The following SCYL3 variants were observed in gnomAD, a reference collection of about 807,000 sequenced individuals.
The protein encoded by SCYL3 is SCY1 like pseudokinase 3.
In SCYL3, 35 loss-of-function variants were observed where a neutral mutation model predicts 73.8. The observed-to-expected ratio is 0.47, with a 90% CI of 0.36 to 0.63. The LOEUF (loss-of-function observed/expected upper bound fraction) is 0.63. Ranked by LOEUF, SCYL3 falls within the 20% of genes least tolerant of loss-of-function variation. The pLI, the probability that SCYL3 is intolerant of heterozygous loss-of-function variation, is 0.00. For missense variants in SCYL3, 712 were observed against 798.9 expected, an observed-to-expected ratio of 0.89 and a Z score of 1.31; for synonymous variants, 277 against 295.2, an observed-to-expected ratio of 0.94 and a Z score of 0.63.
chr1:169,881,808 C>T (rs953342503), intron 2 of SCYL3, among the ~76,000 whole-genome samples: 2 of 152,164 alleles, frequency 1.3e-5, no homozygotes, highest in Admixed American at 1.3e-4. Context: ...GGGATTATTT[C>T]GGGATGAGAC....
chr1:169,879,994 T>TTAAAAAA (rs1168138513), intron 2 of SCYL3, among the ~76,000 whole-genome samples: 25 of 152,116 alleles, frequency 1.6e-4, no homozygotes, highest in African/African-American at 5.3e-4. Context: ...GGGGCCAGGT[T>TTAAAAAA]TGGGGACTCA....
intron 2 of SCYL3, among the ~76,000 whole-genome samples, chr1:169,886,827 A>T (rs1414515607): frequency 1.3e-5 from 2 of 152,224 alleles, no homozygotes; most frequent in Non-Finnish European, 2.9e-5. Flanking sequence ...CCTGCATTTC[A>T]TCTTGGTGTA....
intron 11 of SCYL3, chr1:169,855,798 G>A: frequency 6.2e-7 from 1 of 1,611,458 alleles, no homozygotes; most frequent in Non-Finnish European, 8.5e-7. Flanking sequence ...ATTTCTACCT[G>A]TCTGTAAAAG....
intron 7 of SCYL3, 43 bp downstream of exon 7, chr1:169,868,885 G>A: frequency 7.1e-7 from 1 of 1,418,112 alleles, no homozygotes; most frequent in East Asian, 2.3e-5. Flanking sequence ...GCAGGCAGCA[G>A]TGTTCCGGAA....
rs1658418962 is a variant in SCYL3, at chr1:169,852,018, G to A, written c.*1695C>T. ...ACTTACTGACGAAACAAACCAGTGT[G>A]GTTTCCAGCCTTATGCTGAATTTCA... On this transcript the variant is annotated 3_prime_UTR_variant, in exon 13 of 13. Transcript: ENST00000367771. 6 of 1,588,252 alleles carry A rather than the reference G, an allele frequency of 3.8e-6. No homozygotes were observed. In the South Asian group the frequency reaches 5.6e-5, roughly 15 times the overall value.
Position 169,862,602 on chromosome 1 carries a change from T to A in SCYL3, c.1140+11A>T. On this transcript the variant is annotated intron_variant, in intron 10 of 12. Transcript: ENST00000367771. ...TTCTGTGACTACCCCACTGCAAACT[T>A]GGCCTCTGACCTGTGGCAAGATGAC... The A allele has an allele frequency of 6.2e-7, 1 of 1,613,736 alleles. No homozygotes were observed. Among genetic ancestry groups the A allele is most frequent in the Non-Finnish European group, 8.5e-7 (1 of 1,179,668 alleles).
At chr1:169,878,606 T>G (rs1481876146) in intron 3 of SCYL3, 28 bp downstream of exon 3, 1 of 1,559,582 alleles carries the variant, frequency 6.4e-7, no homozygotes, top group African/African-American at 1.4e-5. Flanking sequence ...CATCAAAGTC[T>G]GTGATGCAGA....
rs147807072 is a variant in SCYL3 at position 169,853,415 on chromosome 1, A to T, written c.*298T>A. The T allele has an allele frequency of 4.5e-3, 1,747 of 384,676 alleles. 9 individuals carry two copies. Among genetic ancestry groups the T allele is most frequent in the Non-Finnish European group, 6.5e-3 (1,400 of 216,572 alleles). 23.8% of individuals were successfully genotyped at this position (384,676 alleles called of 1,614,324 possible). On this transcript the variant is annotated 3_prime_UTR_variant, in exon 13 of 13. Transcript: ENST00000367771. The stretch of plus-strand genomic sequence containing the variant: ...TTCTTTACTTCCAGAATTGTCCTGG[A>T]AAAAGCAGTAAATTCGACCTCTCCT...
At chr1:169,867,765 T>A (rs979815278) in intron 7 of SCYL3, among the ~76,000 whole-genome samples, 1 of 152,174 alleles carries the variant, frequency 6.6e-6, no homozygotes, top group Admixed American at 6.5e-5. Context: ...TTAACTGGGG[T>A]TTCTCCCCAC....
intron 8 of SCYL3, 38 bp from the exon 9 acceptor site, chr1:169,864,546 G>T: frequency 6.4e-7 from 1 of 1,552,844 alleles, no homozygotes; most frequent in South Asian, 1.3e-5. Context: ...AACTGGTCAT[G>T]ACACTGTATC....
In SCYL3 at chr1:169,850,174, T is replaced by C; in HGVS notation, c.*3539A>G. 1.3e-6 allele frequency: 1 copy of C among 754,298 alleles called. No individual in the cohort carries two copies. The highest frequency in any genetic ancestry group is 1.7e-5 in the South Asian group (1 of 60,596). 46.7% of individuals were successfully genotyped at this position (754,298 alleles called of 1,614,324 possible). On this transcript the variant is annotated 3_prime_UTR_variant, in exon 13 of 13. Coordinates refer to ENST00000367771, the MANE Select transcript of SCYL3 (RefSeq NM_020423.7). ...TCTGGGACTCTTACTTAAAATGAAT[T>C]TTTGGTTAAGGTAGCTCATAAAACT...
chr1:169,871,992 G>GC lies in SCYL3; in HGVS notation c.523-1636dup, dbSNP rs371884564. On this transcript the variant is annotated intron_variant, in intron 5 of 12. Coordinates refer to ENST00000367771, the MANE Select transcript of SCYL3 (RefSeq NM_020423.7). ...CTTGGGAAGTTTGCAGCCTGACAAT[G>GC]CAATAGAAAAGAAAATCTCAGGTGA... Among the ~76,000 whole-genome samples, 52 of 152,342 alleles carry GC rather than the reference G, an allele frequency of 3.4e-4. 1 individual carries two copies. Among genetic ancestry groups the GC allele is most frequent in the Non-Finnish European group, 6.9e-4 (47 of 68,024 alleles).
At chr1:169,888,611 A>AT (rs879493715) in intron 2 of SCYL3, 65 bp downstream of exon 2, 14 of 1,343,916 alleles carry the variant, frequency 1.0e-5, no homozygotes, top group African/African-American at 5.9e-5. Flanking sequence ...CTAATTTCAT[A>AT]TTTTTTTAAA....
intron 2 of SCYL3, among the ~76,000 whole-genome samples, chr1:169,882,746 G>T (rs1011727550): frequency 2.6e-5 from 4 of 152,100 alleles, no homozygotes; most frequent in African/African-American, 4.8e-5. Context: ...ACTCTGGTGG[G>T]GACTTGGAGA....
Position 169,851,900 on chromosome 1 carries a change from T to G in SCYL3, c.*1813A>C, listed in dbSNP as rs757279939. 1.9e-6 allele frequency: 3 copies of G among 1,614,086 alleles called. No homozygotes were observed. In the South Asian group the frequency reaches 3.3e-5, roughly 18 times the overall value. On this transcript the variant is annotated 3_prime_UTR_variant, in exon 13 of 13. Transcript: ENST00000367771. The stretch of plus-strand genomic sequence containing the variant: ...GTATTTTCTGGGAACCCTTTGCTAA[T>G]GTGACTGTAGAAGAAGCAAAGAGGT...
intron 2 of SCYL3, 27 bp downstream of exon 2, chr1:169,888,649 C>A: frequency 6.3e-7 from 1 of 1,584,148 alleles, no homozygotes; most frequent in South Asian, 1.1e-5. Flanking sequence ...AAAGTACTAA[C>A]TATTAAGTCG....
intron 11 of SCYL3, among the ~76,000 whole-genome samples, chr1:169,858,691 C>T (rs1659382942): frequency 6.6e-6 from 1 of 152,128 alleles, no homozygotes; most frequent in African/African-American, 2.4e-5. Flanking sequence ...ACAGCTACAA[C>T]ATCAACTGCC....
intron 2 of SCYL3, among the ~76,000 whole-genome samples, chr1:169,882,813 G>C (rs1198268918): frequency 6.6e-6 from 1 of 152,138 alleles, no homozygotes; most frequent in Non-Finnish European, 1.5e-5. Flanking sequence ...GAGAACCTTT[G>C]TGTCTAGCTC....
In SCYL3 at chr1:169,851,963, A is replaced by C. The variant is rs748555452; in HGVS notation, c.*1750T>G. 5 of 1,613,790 alleles carry C rather than the reference A, an allele frequency of 3.1e-6. No homozygotes were observed. Among genetic ancestry groups the C allele is most frequent in the Non-Finnish European group, 4.2e-6 (5 of 1,179,902 alleles). ...TATGGGCTGATTTCAATAGGGGCCA[A>C]ACTTTAACAAGGCAAATTCTGCCCT... On this transcript the variant is annotated 3_prime_UTR_variant, in exon 13 of 13. Coordinates refer to ENST00000367771, the MANE Select transcript of SCYL3 (RefSeq NM_020423.7).
Sources: allele counts gnomAD v4.1 joint callset (sites outside exome capture counted in the v4.1 genomes callset), GRCh38; gene constraint gnomAD v4.1.1; transcripts MANE v1.5; gene names NCBI Gene and HGNC (gene_info 2026-07-23, HGNC 2026-07-21).